Variants in KCNT2 observed in about 807,000 individuals in gnomAD.
KCNT2 encodes the protein potassium channel subfamily T member 2.
A neutral mutation model predicts 153.8 loss-of-function variants in KCNT2; 67 were observed. The ratio of observed to expected loss-of-function variants is 0.44; its 90% confidence interval spans 0.36 to 0.53. KCNT2 has a LOEUF of 0.53. Among genes scored for constraint, KCNT2 ranks in the 20% least tolerant of loss-of-function variants. KCNT2 has a pLI of 0.00. For missense variants in KCNT2, 975 were observed against 1,354.8 expected (o/e 0.72, Z 4.40); for synonymous variants, 500 against 458.8 (o/e 1.09, Z -1.15).
chr1:196,426,005 G>T lies in KCNT2; in HGVS notation c.985-17C>A. 2 of 1,604,206 alleles carry T rather than the reference G, an allele frequency of 1.2e-6. No homozygotes were observed. Among genetic ancestry groups the T allele is most frequent in the Non-Finnish European group, 1.7e-6 (2 of 1,173,630 alleles). The stretch of plus-strand genomic sequence containing the variant: ...ATAATAATCCTATTCAAAACAAAAT[G>T]GGCAATGGAATAGAAACAAAAATGT... On this transcript the variant is annotated splice_polypyrimidine_tract_variant and intron_variant, in intron 10 of 27. Transcript: ENST00000294725.
intron 25 of KCNT2, among the ~76,000 whole-genome samples, chr1:196,260,690 C>T (rs1656932305): frequency 6.6e-6 from 1 of 151,834 alleles, no homozygotes; most frequent in Non-Finnish European, 1.5e-5. Flanking sequence ...AATTTGCATT[C>T]TTTTCTCTTT....
chr1:196,566,169 C>A (rs935728780), intron 1 of KCNT2, among the ~76,000 whole-genome samples: 2 of 151,810 alleles, frequency 1.3e-5, no homozygotes, highest in African/African-American at 2.4e-5. Flanking sequence ...CACTAAAGAT[C>A]CTTTATTGCC....
chr1:196,451,552 G>A (rs1353519895), intron 8 of KCNT2, among the ~76,000 whole-genome samples: 1 of 150,156 alleles, frequency 6.7e-6, no homozygotes, highest in Non-Finnish European at 1.5e-5. Flanking sequence ...TGCCAGGCCA[G>A]TCCTCTTTCT....
rs1293546442 is a variant in KCNT2, at chr1:196,294,797, A to G, written c.2596-9039T>C. On this transcript the variant is annotated intron_variant, in intron 22 of 27. Coordinates refer to ENST00000294725, the MANE Select transcript of KCNT2 (RefSeq NM_198503.5). ...TTAACGGATAAAGAAAATATGATAT[A>G]TATATATATATACATAATGGAATAC... 3.3e-5 allele frequency among the ~76,000 whole-genome samples: 5 copies of G among 151,652 alleles called. No individual in the cohort carries two copies. The East Asian group carries it at 9.7e-4, about 29-fold the overall frequency.
chr1:196,590,196 A>G (rs754901250), intron 1 of KCNT2, among the ~76,000 whole-genome samples: 14 of 152,308 alleles, frequency 9.2e-5, no homozygotes, highest in Middle Eastern at 3.4e-3. Context: ...AAAGCCAAGT[A>G]TACTGCTACT....
Position 196,494,359 on chromosome 1 carries a change from A to T in KCNT2, c.96-2018T>A, listed in dbSNP as rs552131647. ...TTATAAGAATGAGTCCATTTTTCAGATAATATTGGAGTTCAGTACTGGGTA... is the reference window on the plus strand; with the variant it reads ...TTATAAGAATGAGTCCATTTTTCAGTTAATATTGGAGTTCAGTACTGGGTA... On this transcript the variant is annotated intron_variant, in intron 1 of 27. Transcript: ENST00000294725. Among the ~76,000 whole-genome samples, 3 of 152,260 alleles carry T rather than the reference A, an allele frequency of 2.0e-5. No homozygotes were observed. The South Asian group carries it at 6.2e-4, about 32-fold the overall frequency.
At chr1:196,546,343 C>T (rs1657096092) in intron 1 of KCNT2, among the ~76,000 whole-genome samples, 3 of 152,072 alleles carry the variant, frequency 2.0e-5, no homozygotes, top group South Asian at 4.1e-4. Flanking sequence ...TCATTTGTCT[C>T]TAGCACAGTG....
chr1:196,517,395 C>A (rs1473003360), intron 1 of KCNT2, among the ~76,000 whole-genome samples: 1 of 152,194 alleles, frequency 6.6e-6, no homozygotes, highest in Non-Finnish European at 1.5e-5. Flanking sequence ...CTGCACTAGT[C>A]TCTGACAAGG....
At chr1:196,491,860 C>T (rs904299725) in intron 2 of KCNT2, among the ~76,000 whole-genome samples, 5 of 152,124 alleles carry the variant, frequency 3.3e-5, no homozygotes, top group South Asian at 2.1e-4. Context: ...AAATATTAAA[C>T]GTTCCCTTCC....
intron 1 of KCNT2, among the ~76,000 whole-genome samples, chr1:196,510,792 A>G (rs1572685733): frequency 6.6e-6 from 1 of 152,004 alleles, no homozygotes; most frequent in African/African-American, 2.4e-5. Context: ...GTGAGGTCAC[A>G]CCTCTCCCAG....
At chr1:196,304,111 T>C (rs766552178) in intron 22 of KCNT2, among the ~76,000 whole-genome samples, 7 of 152,066 alleles carry the variant, frequency 4.6e-5, no homozygotes, top group Non-Finnish European at 1.0e-4. Flanking sequence ...ACAACAACAA[T>C]TTCCCTGTGG....
intron 1 of KCNT2, among the ~76,000 whole-genome samples, chr1:196,603,941 C>CAGGAGAAT (rs1349379651): frequency 6.6e-6 from 1 of 152,196 alleles, no homozygotes; most frequent in Non-Finnish European, 1.5e-5. Flanking sequence ...TGTTTAACTG[C>CAGGAGAAT]AGGAGAATAC....
intron 1 of KCNT2, among the ~76,000 whole-genome samples, chr1:196,578,847 G>C (rs925856647): frequency 2.6e-5 from 4 of 152,102 alleles, no homozygotes; most frequent in Non-Finnish European, 5.9e-5. Context: ...TTTTGTATTA[G>C]AGTGAAATGA....
intron 1 of KCNT2, among the ~76,000 whole-genome samples, chr1:196,532,424 T>G (rs1019150151): frequency 1.3e-5 from 2 of 151,996 alleles, no homozygotes; most frequent in African/African-American, 4.8e-5. Context: ...ACTCTAACAT[T>G]TCCAAGCTCC....
intron 1 of KCNT2, among the ~76,000 whole-genome samples, chr1:196,502,365 C>G (rs543204987): frequency 9.7e-4 from 148 of 152,248 alleles, no homozygotes; most frequent in African/African-American, 3.3e-3. Context: ...CATTTAGTAG[C>G]ATTGTCTGCA....
At chr1:196,552,157 G>A (rs1176993506) in intron 1 of KCNT2, among the ~76,000 whole-genome samples, 1 of 151,050 alleles carries the variant, frequency 6.6e-6, no homozygotes, top group African/African-American at 2.4e-5. Context: ...TAGAAAAAAT[G>A]AGAAAAAAAG....
At chr1:196,398,280 T>A (rs1023622908) in intron 13 of KCNT2, among the ~76,000 whole-genome samples, 1 of 151,470 alleles carries the variant, frequency 6.6e-6, no homozygotes. Context: ...TATGCATAAA[T>A]CTACTACTGC....
intron 8 of KCNT2, among the ~76,000 whole-genome samples, chr1:196,434,746 A>T (rs552534348): frequency 1.3e-5 from 2 of 151,874 alleles, no homozygotes; most frequent in African/African-American, 4.8e-5. Context: ...TTGACCAATA[A>T]ATATGACAAA....
At chr1:196,341,095 G>T (rs1209836236) in intron 15 of KCNT2, among the ~76,000 whole-genome samples, 1 of 151,764 alleles carries the variant, frequency 6.6e-6, no homozygotes, top group African/African-American at 2.4e-5. Flanking sequence ...GTAGAATACA[G>T]AAGCTCCTTG....
Sources: gnomAD v4.1 joint callset for allele counts (sites outside exome capture counted in the v4.1 genomes callset) on GRCh38, gnomAD v4.1.1 for gene constraint, MANE v1.5 for transcripts, NCBI Gene and HGNC (gene_info 2026-07-23, HGNC 2026-07-21) for gene names.